The following KIAA1328 variants were observed in gnomAD, a reference collection of about 807,000 sequenced individuals.
KIAA1328 encodes KIAA1328.
A neutral mutation model predicts 68.1 loss-of-function variants in KIAA1328; 52 were observed. That is an observed-to-expected ratio of 0.76 (90% CI 0.61 to 0.96). The LOEUF is 0.96. KIAA1328 is among the 40% of genes least tolerant of loss of function. The pLI is 0.00. For synonymous variants in KIAA1328, 232 were observed against 239.4 expected, an observed-to-expected ratio of 0.97 and a Z score of 0.28; for missense variants, 641 against 677.6, an observed-to-expected ratio of 0.95 and a Z score of 0.60.
chr18:37,104,582 G>A (rs990235157), intron 7 of KIAA1328, among the ~76,000 whole-genome samples: 1 of 152,082 alleles, frequency 6.6e-6, no homozygotes, highest in Non-Finnish European at 1.5e-5. Flanking sequence ...TCTAGCATTC[G>A]ATAGCACAGG....
chr18:37,100,471 G>T (rs948286410), intron 7 of KIAA1328, among the ~76,000 whole-genome samples: 20 of 152,222 alleles, frequency 1.3e-4, no homozygotes, highest in African/African-American at 4.6e-4. Flanking sequence ...CAAGGCTGGG[G>T]GAGGGGCGCC....
chr18:36,908,947 C>T (rs1365122772), intron 5 of KIAA1328, among the ~76,000 whole-genome samples: 1 of 152,056 alleles, frequency 6.6e-6, no homozygotes, highest in Non-Finnish European at 1.5e-5. Context: ...CTTTCTTATC[C>T]TAGGCTTACT....
chr18:37,106,820 T>C (rs1377978769), intron 7 of KIAA1328, among the ~76,000 whole-genome samples: 2 of 152,224 alleles, frequency 1.3e-5, no homozygotes, highest in Admixed American at 6.5e-5. Flanking sequence ...CAAAACGAAT[T>C]AAGTGTCACT....
At chr18:37,026,145 CACAT>C (rs1568307899) in intron 6 of KIAA1328, among the ~76,000 whole-genome samples, 1 of 152,158 alleles carries the variant, frequency 6.6e-6, no homozygotes, top group African/African-American at 2.4e-5. Context: ...AATTTCTCGA[CACAT>C]ACACCCTCCC....
intron 6 of KIAA1328, among the ~76,000 whole-genome samples, chr18:37,033,823 A>T (rs1476843277): frequency 6.6e-6 from 1 of 152,208 alleles, no homozygotes; most frequent in African/African-American, 2.4e-5. Context: ...ACTGAACGAT[A>T]GTCTGGACTG....
intron 9 of KIAA1328, among the ~76,000 whole-genome samples, chr18:37,187,988 C>T (rs1037237651): frequency 3.9e-5 from 6 of 152,254 alleles, no homozygotes; most frequent in Admixed American, 2.0e-4. Context: ...TATAAATGAG[C>T]TCCTTGGTAT....
At chr18:36,947,927 A>C (rs1170972441) in intron 5 of KIAA1328, among the ~76,000 whole-genome samples, 1 of 152,108 alleles carries the variant, frequency 6.6e-6, no homozygotes, top group African/African-American at 2.4e-5. Context: ...CTGCTTTGCC[A>C]GTCTTAAGAT....
chr18:37,066,358 G>A (rs900175954), intron 6 of KIAA1328, among the ~76,000 whole-genome samples: 1 of 152,116 alleles, frequency 6.6e-6, no homozygotes, highest in Admixed American at 6.6e-5. Context: ...CTATTTTGTT[G>A]AAAGTGGTTG....
chr18:37,198,004 A>G (rs981581777), intron 9 of KIAA1328, among the ~76,000 whole-genome samples: 3 of 152,216 alleles, frequency 2.0e-5, no homozygotes, highest in Non-Finnish European at 2.9e-5. Flanking sequence ...ACTGTGGGGT[A>G]TTATTTGGCA....
rs1172151497 is a variant in KIAA1328, at chr18:37,160,167, C to T, written c.1233-33C>T. 4.4e-6 allele frequency: 7 copies of T among 1,579,016 alleles called. No individual in the cohort carries two copies. The South Asian group carries it at 8.1e-5, about 18-fold the overall frequency. ...TATGTGCTCTGTGTTCCCTTCTGTGCCTTCAACAGTTCATTCATCGTTGTT... is the reference window on the plus strand; with the variant it reads ...TATGTGCTCTGTGTTCCCTTCTGTGTCTTCAACAGTTCATTCATCGTTGTT... On this transcript the variant is annotated intron_variant, in intron 7 of 9. Transcript: ENST00000280020.
At chr18:36,922,196 A>G (rs1598721665) in intron 5 of KIAA1328, among the ~76,000 whole-genome samples, 1 of 152,154 alleles carries the variant, frequency 6.6e-6, no homozygotes, top group African/African-American at 2.4e-5. Flanking sequence ...GGTTTTTCCA[A>G]GTATTAATGC....
intron 4 of KIAA1328, among the ~76,000 whole-genome samples, chr18:36,846,111 A>G (rs1165783698): frequency 2.0e-5 from 3 of 151,458 alleles, no homozygotes; most frequent in East Asian, 1.9e-4. Context: ...ACTTTTGTCT[A>G]CTCATACTTT....
At chr18:37,139,740 A>G (rs1432338028) in intron 7 of KIAA1328, among the ~76,000 whole-genome samples, 1 of 152,164 alleles carries the variant, frequency 6.6e-6, no homozygotes, top group Non-Finnish European at 1.5e-5. Context: ...GTCAAAGATG[A>G]GACTTTTCCT....
chr18:36,880,596 A>G (rs1324055482), intron 4 of KIAA1328, among the ~76,000 whole-genome samples: 1 of 152,236 alleles, frequency 6.6e-6, no homozygotes, highest in Non-Finnish European at 1.5e-5. Flanking sequence ...CGTCCAGTCA[A>G]TAATGAACAG....
At chr18:37,212,018 G>T in intron 9 of KIAA1328, among the ~76,000 whole-genome samples, 1 of 152,182 alleles carries the variant, frequency 6.6e-6, no homozygotes, top group East Asian at 1.9e-4. Context: ...GGATAGAAAA[G>T]TGTAGATTTT....
chr18:36,995,474 AGTTTCTCG>A (rs1266583871), intron 6 of KIAA1328, among the ~76,000 whole-genome samples: 27 of 151,876 alleles, frequency 1.8e-4, no homozygotes, highest in Admixed American at 6.6e-4. Context: ...TATCTTTTCC[AGTTTCTCG>A]GTCCATCCCT....
At chr18:37,131,040 A>G (rs959145253) in intron 7 of KIAA1328, among the ~76,000 whole-genome samples, 1 of 152,224 alleles carries the variant, frequency 6.6e-6, no homozygotes, top group East Asian at 1.9e-4. Flanking sequence ...CTTTAAAATA[A>G]TAGATTAAAT....
chr18:36,873,939 T>C (rs1042895924), intron 4 of KIAA1328, among the ~76,000 whole-genome samples: 14 of 152,210 alleles, frequency 9.2e-5, no homozygotes, highest in African/African-American at 3.4e-4. Context: ...CATGCAGTGT[T>C]TGGTTTTCTG....
At chr18:37,088,986 A>G (rs2057187547) in intron 7 of KIAA1328, among the ~76,000 whole-genome samples, 1 of 152,132 alleles carries the variant, frequency 6.6e-6, no homozygotes, top group African/African-American at 2.4e-5. Flanking sequence ...CTTTATGCTT[A>G]CAAATATATA....
Sources: gnomAD v4.1 joint callset for allele counts (sites outside exome capture counted in the v4.1 genomes callset) on GRCh38, gnomAD v4.1.1 for gene constraint, MANE v1.5 for transcripts, NCBI Gene and HGNC (gene_info 2026-07-23, HGNC 2026-07-21) for gene names.